CNIH3: variants seen among roughly 807,000 people sequenced by gnomAD.
CNIH3 encodes cornichon family AMPA receptor auxiliary protein 3, also known as protein cornichon homolog 3.
CNIH3 carries 14 observed loss-of-function variants against 24.1 expected under a neutral mutation model. That is an observed-to-expected ratio of 0.58 (90% CI 0.38 to 0.91). The LOEUF (loss-of-function observed/expected upper bound fraction) is 0.91, where lower values mean the gene tolerates loss of function less well. Among genes scored for constraint, CNIH3 ranks in the 40% least tolerant of loss-of-function variants. CNIH3 has a pLI of 0.00. For synonymous variants in CNIH3, 68 were observed against 73.8 expected (o/e 0.92, Z 0.40); for missense variants, 178 against 196.8 (o/e 0.90, Z 0.57).
At chr1:224,695,552 A>G (rs1353300873) in intron 3 of CNIH3, among the ~76,000 whole-genome samples, 1 of 152,184 alleles carries the variant, frequency 6.6e-6, no homozygotes, top group Admixed American at 6.6e-5. Context: ...TGCTCACCAG[A>G]TGGTCAGTAC....
chr1:224,610,244 G>A (rs1184082540), intron 3 of CNIH3, among the ~76,000 whole-genome samples: 1 of 152,150 alleles, frequency 6.6e-6, no homozygotes, highest in East Asian at 1.9e-4. Flanking sequence ...TTTACAAAGG[G>A]TTTATTGGGA....
At chr1:224,571,363 G>A (rs1019566446) in intron 4 of CNIH3, among the ~76,000 whole-genome samples, 6 of 152,140 alleles carry the variant, frequency 3.9e-5, no homozygotes, top group Non-Finnish European at 5.9e-5. Context: ...AGGTGGCACA[G>A]CAAAACATAT....
At chr1:224,636,011 A>G (rs1225163302) in intron 1 of CNIH3, among the ~76,000 whole-genome samples, 1 of 152,104 alleles carries the variant, frequency 6.6e-6, no homozygotes, top group Non-Finnish European at 1.5e-5. Flanking sequence ...TCTTTTTTAT[A>G]TCAAAATACC....
intron 1 of CNIH3, among the ~76,000 whole-genome samples, chr1:224,479,684 C>A (rs1156961044): frequency 6.6e-6 from 1 of 152,236 alleles, no homozygotes; most frequent in Non-Finnish European, 1.5e-5. Flanking sequence ...TCCAGCAGGG[C>A]AGTCAAATCT....
chr1:224,618,546 A>G (rs768584710), intron 1 of CNIH3, among the ~76,000 whole-genome samples: 11 of 152,252 alleles, frequency 7.2e-5, no homozygotes, highest in Non-Finnish European at 1.3e-4. Flanking sequence ...CTCCTGCTAC[A>G]GGGCTCTGAC....
At chr1:224,671,104 G>T (rs947980799) in intron 1 of CNIH3, among the ~76,000 whole-genome samples, 1 of 152,204 alleles carries the variant, frequency 6.6e-6, no homozygotes, top group African/African-American at 2.4e-5. Flanking sequence ...CCAGCCTGCT[G>T]GCTGACTCTG....
At chr1:224,590,034 G>T (rs992374202), downstream of CNIH3, among the ~76,000 whole-genome samples, 1 of 152,072 alleles carries the variant, frequency 6.6e-6, no homozygotes, top group East Asian at 1.9e-4. Context: ...GAGCCGCCAG[G>T]CCTGGCTAAT....
At chr1:224,523,614 G>A (rs547471477) in intron 2 of CNIH3, among the ~76,000 whole-genome samples, 3 of 152,318 alleles carry the variant, frequency 2.0e-5, no homozygotes, top group South Asian at 4.1e-4. Context: ...TTCTCAACCT[G>A]GCGATGGTTA....
chr1:224,721,752 A>G (rs1036710259), intron 3 of CNIH3, among the ~76,000 whole-genome samples: 1 of 152,204 alleles, frequency 6.6e-6, no homozygotes, highest in Non-Finnish European at 1.5e-5. Context: ...CAGAAGGGCC[A>G]GAGACAGGTG....
Position 224,603,647 on chromosome 1 carries a change from A to G in CNIH3, n.402+37383A>G, listed in dbSNP as rs1289057186. ...AGCACTGGTGAGACACATTTTTTTT[A>G]TGGTTTTTGTCAGCGTGCAAGAGAC... On this transcript the variant is annotated intron_variant and non_coding_transcript_variant, in intron 3 of 7. Coordinates refer to the CNIH3 transcript ENST00000478120. Among the ~76,000 whole-genome samples, 4 of 152,026 alleles carry G rather than the reference A, an allele frequency of 2.6e-5. No homozygotes were observed. In the South Asian group the frequency reaches 6.2e-4, roughly 24 times the overall value.
intron 3 of CNIH3, among the ~76,000 whole-genome samples, chr1:224,558,028 C>T (rs1458329662): frequency 2.0e-5 from 3 of 152,186 alleles, no homozygotes; most frequent in Non-Finnish European, 4.4e-5. Context: ...TTAGTGACTT[C>T]AAACAACCAT....
At chr1:224,524,249 A>T (rs1467998681) in intron 2 of CNIH3, among the ~76,000 whole-genome samples, 1 of 152,204 alleles carries the variant, frequency 6.6e-6, no homozygotes, top group African/African-American at 2.4e-5. Context: ...GGGTTGTCAG[A>T]TCGGCTGGTC....
chr1:224,487,438 T>C (rs1418903684), intron 1 of CNIH3, among the ~76,000 whole-genome samples: 1 of 152,208 alleles, frequency 6.6e-6, no homozygotes, highest in Non-Finnish European at 1.5e-5. Flanking sequence ...CATATTCCTT[T>C]TGATCTTTTA....
chr1:224,482,208 A>G (rs1676842258), intron 1 of CNIH3, among the ~76,000 whole-genome samples: 1 of 152,156 alleles, frequency 6.6e-6, no homozygotes, highest in Non-Finnish European at 1.5e-5. Flanking sequence ...AGGGACCCCA[A>G]GAGCCTGGTT....
intron 3 of CNIH3, among the ~76,000 whole-genome samples, chr1:224,705,987 C>CA (rs1687785823): frequency 6.6e-6 from 1 of 151,886 alleles, no homozygotes; most frequent in South Asian, 2.1e-4. Context: ...CCTAGCACCC[C>CA]AGGCTGATGA....
At position 224,740,267 on chromosome 1, in the gene CNIH3, T is replaced by C. The variant is rs1400085582; in HGVS notation, c.*911T>C. ...ATCATTTGTACTGTTTAGGTCGACG[T>C]GAGGACATCATCTTATTTAGAATTT... On this transcript the variant is annotated 3_prime_UTR_variant, in exon 6 of 6. Transcript: ENST00000272133. 1 of 152,214 alleles carries C rather than the reference T, an allele frequency of 6.6e-6. No individual in the cohort carries two copies. The highest frequency in any genetic ancestry group is 1.5e-5 in the Non-Finnish European group (1 of 68,036). The allele number at this position is 152,214 out of a possible 1,614,324, so 9.4% of individuals were successfully genotyped here. A position where few individuals can be genotyped will look rare whatever the true frequency, so the allele number is the denominator to read the frequency against.
intron 3 of CNIH3, among the ~76,000 whole-genome samples, chr1:224,713,913 C>A (rs1196011110): frequency 6.6e-6 from 1 of 152,166 alleles, no homozygotes; most frequent in Non-Finnish European, 1.5e-5. Flanking sequence ...CTTTTGGGCA[C>A]AAGTGATCCT....
chr1:224,726,761 G>T (rs1689046955), intron 3 of CNIH3, among the ~76,000 whole-genome samples: 1 of 152,040 alleles, frequency 6.6e-6, no homozygotes, highest in Admixed American at 6.5e-5. Flanking sequence ...TGAGATTTAG[G>T]ATTTATGACT....
Position 224,722,183 on chromosome 1 carries a change from G to T in CNIH3, c.199-8279G>T, listed in dbSNP as rs534907727. Among the ~76,000 whole-genome samples, 34 of 152,298 alleles carry T rather than the reference G, an allele frequency of 2.2e-4. No homozygotes were observed. The South Asian group carries it at 6.0e-3, about 27-fold the overall frequency. On this transcript the variant is annotated intron_variant, in intron 3 of 5. Transcript: ENST00000272133. ...TAAAAAAGAAGCATCTGCCTTGTGTGCTCTTCAGATGGGATTGGGCATATT... is the reference window on the plus strand; with the variant it reads ...TAAAAAAGAAGCATCTGCCTTGTGTTCTCTTCAGATGGGATTGGGCATATT...
Sources: gnomAD v4.1 joint callset for allele counts (sites outside exome capture counted in the v4.1 genomes callset) on GRCh38, gnomAD v4.1.1 for gene constraint, MANE v1.5 for transcripts, NCBI Gene and HGNC (gene_info 2026-07-23, HGNC 2026-07-21) for gene names.